ITFG1: variants seen among roughly 807,000 people sequenced by gnomAD.
ITFG1 encodes the protein T-cell immunomodulatory protein.
In ITFG1, 34 loss-of-function variants were observed where a neutral mutation model predicts 81.8. The observed-to-expected ratio is 0.42, with a 90% CI of 0.32 to 0.55. The LOEUF is 0.55. ITFG1 is among the 20% of genes least tolerant of loss of function. The probability of loss-of-function intolerance (pLI) is 0.17; values close to 1 mark genes in which losing one functional copy is unlikely to be tolerated. For synonymous variants in ITFG1, 285 were observed against 270.6 expected (o/e 1.05, Z -0.52); for missense variants, 672 against 755.4 (o/e 0.89, Z 1.29).
At chr16:47,185,032 A>G (rs1222954175) in intron 14 of ITFG1, among the ~76,000 whole-genome samples, 1 of 151,518 alleles carries the variant, frequency 6.6e-6, no homozygotes, top group Non-Finnish European at 1.5e-5. Flanking sequence ...GAGACAAAGA[A>G]GGCCATTACA....
In ITFG1 at chr16:47,451,409, T is replaced by C. The variant is rs1364315108; in HGVS notation, c.547A>G (p.Ile183Val). 1.3e-6 allele frequency: 2 copies of C among 1,561,930 alleles called. No homozygotes were observed. Among genetic ancestry groups the C allele is most frequent in the Non-Finnish European group, 1.8e-6 (2 of 1,133,356 alleles). Reference protein sequence around the residue: ...GITNESNQPQILLGGNLSWHP... With the variant: ...GITNESNQPQVLLGGNLSWHP... The stretch of plus-strand genomic sequence containing the variant: ...ATATTTACTCACCCTCCTAATAGTA[T>C]CTGTGGCTGGTTGGATTCATTTGTG... Residue 183 changes from isoleucine to valine, a missense_variant, in exon 5 of 18, where the codon ATA becomes GTA. Transcript: ENST00000320640.
chr16:47,303,149 T>C (rs1967103000), intron 10 of ITFG1, among the ~76,000 whole-genome samples: 1 of 152,044 alleles, frequency 6.6e-6, no homozygotes, highest in South Asian at 2.1e-4. Context: ...CGGGCGCCTG[T>C]AGTCCCAGGT....
chr16:47,318,352 A>T (rs1967397073), intron 8 of ITFG1, among the ~76,000 whole-genome samples: 1 of 152,224 alleles, frequency 6.6e-6, no homozygotes. Context: ...ATATAGTATT[A>T]CATTGTATGA....
rs150557598 is a variant in ITFG1, at chr16:47,235,751, A to G, written c.1374+2214T>C. 5.8e-3 allele frequency among the ~76,000 whole-genome samples: 885 copies of G among 152,344 alleles called. 7 individuals are homozygous for G. Among genetic ancestry groups the G allele is most frequent in the African/African-American group, 0.02 (844 of 41,584 alleles). ...AGTTTCACACTGGGTCACATCCAAT[A>G]TAACACTTTTTACTATGATCTGATG... On this transcript the variant is annotated intron_variant, in intron 13 of 17. Coordinates refer to ENST00000320640, the MANE Select transcript of ITFG1 (RefSeq NM_030790.5).
At chr16:47,268,070 T>C (rs952062560) in intron 10 of ITFG1, among the ~76,000 whole-genome samples, 8 of 150,240 alleles carry the variant, frequency 5.3e-5, no homozygotes, top group Admixed American at 4.0e-4. Flanking sequence ...AGGAAAAAAA[T>C]AGAGAAAAAT....
intron 14 of ITFG1, among the ~76,000 whole-genome samples, chr16:47,183,542 G>A (rs1237905989): frequency 1.3e-5 from 2 of 152,168 alleles, no homozygotes; most frequent in African/African-American, 2.4e-5. Flanking sequence ...CACCTCGCAC[G>A]GCCGGGTACT....
At chr16:47,394,340 T>C (rs1224187381) in intron 6 of ITFG1, among the ~76,000 whole-genome samples, 1 of 152,180 alleles carries the variant, frequency 6.6e-6, no homozygotes, top group Non-Finnish European at 1.5e-5. Flanking sequence ...AGCTGAGCAA[T>C]TCTAAGATGT....
intron 12 of ITFG1, among the ~76,000 whole-genome samples, chr16:47,245,220 G>A (rs1028984384): frequency 2.0e-5 from 3 of 151,996 alleles, no homozygotes; most frequent in Non-Finnish European, 2.9e-5. Flanking sequence ...ATGGTGGTGT[G>A]TGCCTGTAAT....
At chr16:47,268,311 G>A (rs954301830) in intron 10 of ITFG1, among the ~76,000 whole-genome samples, 7 of 152,070 alleles carry the variant, frequency 4.6e-5, no homozygotes, top group African/African-American at 1.4e-4. Flanking sequence ...CGAATTCCCT[G>A]GAAGTCACAA....
chr16:47,294,223 T>G (rs953698112), intron 10 of ITFG1, among the ~76,000 whole-genome samples: 2 of 152,162 alleles, frequency 1.3e-5, no homozygotes, highest in Non-Finnish European at 2.9e-5. Context: ...TCTATGTGTC[T>G]ATTTTACTTA....
intron 5 of ITFG1, among the ~76,000 whole-genome samples, chr16:47,437,137 G>A (rs1182364364): frequency 6.6e-6 from 1 of 151,954 alleles, no homozygotes; most frequent in Admixed American, 6.6e-5. Flanking sequence ...TAGTTTTTTA[G>A]GTGTGATGAA....
chr16:47,181,946 T>G (rs1485281665), intron 14 of ITFG1, among the ~76,000 whole-genome samples: 1 of 152,142 alleles, frequency 6.6e-6, no homozygotes, highest in Non-Finnish European at 1.5e-5. Flanking sequence ...TTAAGGGCGG[T>G]GCAAGATGTG....
intron 6 of ITFG1, among the ~76,000 whole-genome samples, chr16:47,405,048 A>G (rs1046353033): frequency 7.2e-5 from 11 of 152,136 alleles, no homozygotes; most frequent in African/African-American, 2.7e-4. Context: ...ATATGTCACA[A>G]ATATCGTCTC....
chr16:47,379,843 G>T (rs1203042925), intron 6 of ITFG1, among the ~76,000 whole-genome samples: 1 of 151,970 alleles, frequency 6.6e-6, no homozygotes, highest in African/African-American at 2.4e-5. Flanking sequence ...ATAGTATTCT[G>T]GTGGGAGGAA....
At chr16:47,390,748 C>A (rs529600945) in intron 6 of ITFG1, among the ~76,000 whole-genome samples, 1 of 152,298 alleles carries the variant, frequency 6.6e-6, no homozygotes, top group Admixed American at 6.5e-5. Flanking sequence ...GAGTGAGTGA[C>A]CGTGCCCGGC....
intron 8 of ITFG1, among the ~76,000 whole-genome samples, chr16:47,314,307 T>C (rs1382421930): frequency 2.6e-5 from 4 of 152,178 alleles, no homozygotes; most frequent in Admixed American, 1.3e-4. Flanking sequence ...ACTGCTGCCA[T>C]AGAAGAGAAA....
intron 14 of ITFG1, among the ~76,000 whole-genome samples, chr16:47,217,726 T>C (rs902300617): frequency 2.0e-5 from 3 of 152,042 alleles, no homozygotes; most frequent in Admixed American, 1.3e-4. Flanking sequence ...AGACGGAGAT[T>C]ATCCTGGCTA....
intron 10 of ITFG1, among the ~76,000 whole-genome samples, chr16:47,283,300 G>A (rs992415926): frequency 6.6e-6 from 1 of 152,016 alleles, no homozygotes; most frequent in Non-Finnish European, 1.5e-5. Context: ...TTCTGCATAT[G>A]GCTAGCCAAT....
intron 13 of ITFG1, among the ~76,000 whole-genome samples, chr16:47,228,633 G>GT (rs1298666258): frequency 6.6e-6 from 1 of 152,198 alleles, no homozygotes; most frequent in Admixed American, 6.5e-5. Flanking sequence ...GCCTCCCAAA[G>GT]TGCTGGGATT....
Sources: gnomAD v4.1 joint callset for allele counts (sites outside exome capture counted in the v4.1 genomes callset) on GRCh38, gnomAD v4.1.1 for gene constraint, MANE v1.5 for transcripts, NCBI Gene and HGNC (gene_info 2026-07-23, HGNC 2026-07-21) for gene names.